The following ZMIZ1 variants were observed in gnomAD, a reference collection of about 807,000 sequenced individuals.
ZMIZ1 encodes the protein zinc finger MIZ domain-containing protein 1.
In ZMIZ1, 17 loss-of-function variants were observed where a neutral mutation model predicts 113.9. That is an observed-to-expected ratio of 0.15 (90% CI 0.10 to 0.22). ZMIZ1 has a LOEUF of 0.22. Ranked by LOEUF, ZMIZ1 falls within the 10% of genes least tolerant of loss-of-function variation. The pLI, the probability that ZMIZ1 is intolerant of heterozygous loss-of-function variation, is 1.00. For missense variants in ZMIZ1, 1,059 were observed against 1,477.8 expected, an observed-to-expected ratio of 0.72 and a Z score of 4.65; for synonymous variants, 607 against 603.1, an observed-to-expected ratio of 1.01 and a Z score of -0.09.
intron 8 of ZMIZ1, among the ~76,000 whole-genome samples, chr10:79,289,263 C>G (rs529251508): frequency 1.3e-5 from 2 of 152,140 alleles, no homozygotes; most frequent in African/African-American, 4.8e-5. Context: ...AGAAAGCCTG[C>G]ATTCCCATGG....
chr10:79,255,484 C>A (rs1419004175), intron 7 of ZMIZ1, among the ~76,000 whole-genome samples: 1 of 152,168 alleles, frequency 6.6e-6, no homozygotes, highest in Non-Finnish European at 1.5e-5. Flanking sequence ...GAGTGGAGTC[C>A]GTCTGGGCAC....
At chr10:79,215,489 G>A (rs1848687104) in intron 6 of ZMIZ1, among the ~76,000 whole-genome samples, 1 of 152,044 alleles carries the variant, frequency 6.6e-6, no homozygotes, top group South Asian at 2.1e-4. Context: ...AGGAGAGACG[G>A]GGTTTCACCA....
At chr10:79,173,178 A>C (rs909871720) in intron 4 of ZMIZ1, among the ~76,000 whole-genome samples, 1 of 152,220 alleles carries the variant, frequency 6.6e-6, no homozygotes, top group Non-Finnish European at 1.5e-5. Flanking sequence ...GCACTGGCCT[A>C]GGGCAAGCTT....
chr10:79,299,226 G>A, intron 16 of ZMIZ1, 35 bp downstream of exon 16: 1 of 1,576,850 alleles, frequency 6.3e-7, no homozygotes, highest in Non-Finnish European at 8.6e-7. Flanking sequence ...GCCCAGGCGG[G>A]ATGAAGGAGG....
chr10:79,104,759 C>A (rs575527176), intron 1 of ZMIZ1, among the ~76,000 whole-genome samples: 1 of 152,164 alleles, frequency 6.6e-6, no homozygotes, highest in African/African-American at 2.4e-5. Context: ...GGGACTGGCC[C>A]GCTGGCCACG....
intron 8 of ZMIZ1, chr10:79,285,580 G>C (rs923497621): frequency 2.9e-5 from 13 of 455,996 alleles, no homozygotes; most frequent in Admixed American, 1.4e-4. Context: ...CGGTCATCAG[G>C]CTTAACGAAA....
At chr10:79,173,514 A>C (rs1017098246) in intron 4 of ZMIZ1, among the ~76,000 whole-genome samples, 1 of 147,174 alleles carries the variant, frequency 6.8e-6, no homozygotes, top group African/African-American at 2.5e-5. Flanking sequence ...GGCGGGGAGC[A>C]GGGGGCGGGG....
chr10:79,137,741 T>A (rs570481315), intron 2 of ZMIZ1, among the ~76,000 whole-genome samples: 11 of 151,770 alleles, frequency 7.2e-5, no homozygotes, highest in African/African-American at 2.7e-4. Flanking sequence ...ACTAGACCCA[T>A]CTCTCTCCGA....
At chr10:79,135,469 C>T (rs957016105) in intron 2 of ZMIZ1, among the ~76,000 whole-genome samples, 6 of 152,256 alleles carry the variant, frequency 3.9e-5, no homozygotes, top group Non-Finnish European at 5.9e-5. Flanking sequence ...CCATTTCCCA[C>T]CAAGCCACCA....
Position 79,305,540 on chromosome 10 carries a change from G to A in ZMIZ1, c.2362G>A (p.Ala788Thr). The A allele has an allele frequency of 1.2e-6, 2 of 1,613,992 alleles. No homozygotes were observed. Among genetic ancestry groups the A allele is most frequent in the Non-Finnish European group, 1.7e-6 (2 of 1,179,990 alleles). ...TWRCPVCNKT[A>T]LLEGLEVDQY... ...CCCCATCTCCTTTTCCAGTAAAACC[G>A]CTCTGCTGGAGGGCCTGGAGGTGGA... is the stretch of plus-strand genomic sequence containing the variant. Residue 788 changes from alanine to threonine, a missense_variant, in exon 21 of 25, where the codon GCT becomes ACT. Coordinates refer to ENST00000334512, the MANE Select transcript of ZMIZ1 (RefSeq NM_020338.4).
intron 7 of ZMIZ1, among the ~76,000 whole-genome samples, chr10:79,252,149 G>A (rs929641869): frequency 2.6e-5 from 4 of 152,146 alleles, no homozygotes; most frequent in African/African-American, 9.7e-5. Context: ...AAGGGCACCC[G>A]TAGACAGCAG....
At chr10:79,266,879 C>T (rs994772757) in intron 7 of ZMIZ1, among the ~76,000 whole-genome samples, 2 of 152,246 alleles carry the variant, frequency 1.3e-5, no homozygotes, top group Admixed American at 1.3e-4. Flanking sequence ...GTTCTCAGGG[C>T]TCATGAGTCA....
At chr10:79,294,934 GGAGAGAGA>G (rs140034383) in intron 12 of ZMIZ1, 2 of 123,656 alleles carry the variant, frequency 1.6e-5, no homozygotes, top group African/African-American at 5.9e-5. Context: ...GTTCAGGAGG[GGAGAGAGA>G]GGGGGGGGGG....
Position 79,296,733 on chromosome 10 carries a change from C to T in ZMIZ1, c.1413+80C>T. ...CTCCCCTAACTCCACCGGGATCACT[C>T]TGACCCTGCGTGTGTTTGCCCCAAG... On this transcript the variant is annotated intron_variant, in intron 13 of 24. Transcript: ENST00000334512. The surrounding 1 kb of genome is among the most constrained non-coding windows in gnomAD (Gnocchi z 4.1). The T allele has an allele frequency of 1.4e-6, 2 of 1,390,332 alleles. No individual in the cohort carries two copies. Among genetic ancestry groups the T allele is most frequent in the East Asian group, 5.0e-5 (2 of 39,816 alleles). The allele number at this position is 1,390,332 out of a possible 1,614,324, so 86.1% of individuals were successfully genotyped here. A position where few individuals can be genotyped will look rare whatever the true frequency, so the allele number is the denominator to read the frequency against.
At chr10:79,205,785 CAG>C (rs1848293828) in intron 5 of ZMIZ1, among the ~76,000 whole-genome samples, 1 of 152,118 alleles carries the variant, frequency 6.6e-6, no homozygotes, top group Non-Finnish European at 1.5e-5. Context: ...GACAAGGGCA[CAG>C]AGAGGGGAGG....
At chr10:79,131,363 G>T (rs1844760751) in intron 2 of ZMIZ1, among the ~76,000 whole-genome samples, 1 of 152,074 alleles carries the variant, frequency 6.6e-6, no homozygotes, top group African/African-American at 2.4e-5. Flanking sequence ...GGTGGCACTG[G>T]GGCTCAGCAG....
At chr10:79,298,270 A>C (rs1250552) in intron 14 of ZMIZ1, 136 bp from the exon 15 acceptor site, 8 of 968,562 alleles carry the variant, frequency 8.3e-6, no homozygotes, top group African/African-American at 3.4e-5. Flanking sequence ...GAGAGAGAAG[A>C]GTTTCCCTGG....
intron 3 of ZMIZ1, among the ~76,000 whole-genome samples, chr10:79,152,904 G>A (rs1398222386): frequency 6.6e-6 from 1 of 152,258 alleles, no homozygotes; most frequent in Non-Finnish European, 1.5e-5. Flanking sequence ...TCCTGGACCT[G>A]CCAGCCTGGT....
At position 79,315,926 on chromosome 10, in the gene ZMIZ1, T is replaced by G. The variant is rs1296755043; in HGVS notation, c.*3177T>G. 6.5e-6 allele frequency: 1 copy of G among 152,740 alleles called. No individual in the cohort carries two copies. Among genetic ancestry groups the G allele is most frequent in the Non-Finnish European group, 1.5e-5 (1 of 68,034 alleles). The allele number at this position is 152,740 out of a possible 1,614,324, so 9.5% of individuals were successfully genotyped here. ...TCCTGTTGGTTATAGCATTTGTGAG[T>G]TCTCCACGTCTGTCTCTCTCGCTCA... On this transcript the variant is annotated 3_prime_UTR_variant, in exon 25 of 25. Coordinates refer to ENST00000334512, the MANE Select transcript of ZMIZ1 (RefSeq NM_020338.4).
Sources: allele counts gnomAD v4.1 joint callset (sites outside exome capture counted in the v4.1 genomes callset), GRCh38; gene constraint gnomAD v4.1.1; non-coding constraint Gnocchi (gnomAD v3.1); transcripts MANE v1.5; gene names NCBI Gene and HGNC (gene_info 2026-07-23, HGNC 2026-07-21).